Variants in RALY observed in about 807,000 individuals in gnomAD.
RALY encodes RNA-binding protein Raly.
RALY carries 15 observed loss-of-function variants against 30.7 expected under a neutral mutation model. That is an observed-to-expected ratio of 0.49 (90% CI 0.33 to 0.75). The LOEUF is 0.75. Ranked by LOEUF, RALY falls within the 30% of genes least tolerant of loss-of-function variation. RALY has a pLI of 0.02. For missense variants in RALY, 339 were observed against 414.3 expected (o/e 0.82, Z 1.58); for synonymous variants, 177 against 170.8 (o/e 1.04, Z -0.28).
chr20:34,077,200 C>T lies in RALY; in HGVS notation c.831C>T (p.Asp277=), dbSNP rs199998572. 85 of 1,613,788 alleles carry T rather than the reference C, an allele frequency of 5.3e-5. No individual in the cohort carries two copies. In the East Asian group the frequency reaches 5.3e-4, roughly 10 times the overall value. Reference sequence around the variant, plus strand: ...CCCAGGGGGAAGCACGGACCCGAGACGACGGCGATGAGGAAGGGCTCCTGA... The same window carrying T: ...CCCAGGGGGAAGCACGGACCCGAGATGACGGCGATGAGGAAGGGCTCCTGA... ...GLPQGEARTR[D]DGDEEGLLTH... Residue 277 remains aspartate (D), a synonymous_variant, in exon 8 of 10, where the codon GAC becomes GAT. Transcript: ENST00000246194.
intron 2 of RALY, among the ~76,000 whole-genome samples, chr20:34,042,027 C>G (rs1462491523): frequency 6.6e-6 from 1 of 152,062 alleles, no homozygotes; most frequent in Non-Finnish European, 1.5e-5. Flanking sequence ...ATTGCTTGAG[C>G]GCGGGATTGC....
chr20:34,007,890 TATGGTGTGGTACTAG>T (rs2031234325), intron 1 of RALY, among the ~76,000 whole-genome samples: 4 of 151,680 alleles, frequency 2.6e-5, no homozygotes, highest in Admixed American at 2.6e-4. Context: ...CCTACCATGT[TATGGTGTGGTACTAG>T]ATGGTGTGGA....
At chr20:34,042,049 G>C (rs960998176) in intron 2 of RALY, among the ~76,000 whole-genome samples, 1 of 152,182 alleles carries the variant, frequency 6.6e-6, no homozygotes, top group Non-Finnish European at 1.5e-5. Flanking sequence ...ATCCCGGCGG[G>C]TGGAGGTTGC....
At chr20:34,013,132 A>G (rs2031473766) in intron 1 of RALY, among the ~76,000 whole-genome samples, 1 of 152,144 alleles carries the variant, frequency 6.6e-6, no homozygotes, top group Non-Finnish European at 1.5e-5. Context: ...TGTTCTGCGC[A>G]TATTCAAGGT....
intron 2 of RALY, among the ~76,000 whole-genome samples, chr20:34,038,697 G>A (rs555152197): frequency 4.6e-5 from 7 of 152,288 alleles, no homozygotes; most frequent in African/African-American, 1.7e-4. Flanking sequence ...CCACCATTGT[G>A]TGTATTCTTA....
At chr20:34,052,984 G>A (rs145828799) in intron 2 of RALY, among the ~76,000 whole-genome samples, 132 of 152,238 alleles carry the variant, frequency 8.7e-4, no homozygotes, top group Non-Finnish European at 6.3e-4. Context: ...ATTTAGTGGG[G>A]CTATCCTTGC....
At chr20:34,014,541 A>G (rs1245839042) in intron 1 of RALY, among the ~76,000 whole-genome samples, 1 of 152,212 alleles carries the variant, frequency 6.6e-6, no homozygotes, top group African/African-American at 2.4e-5. Context: ...ATGCATTTAA[A>G]TTTGGGATTT....
chr20:34,012,646 T>TA (rs1342634398), intron 1 of RALY, among the ~76,000 whole-genome samples: 1 of 152,184 alleles, frequency 6.6e-6, no homozygotes, highest in Non-Finnish European at 1.5e-5. Flanking sequence ...GGACTTGCAG[T>TA]AAAAAGTAGG....
At chr20:34,060,994 C>T (rs908698070) in intron 2 of RALY, among the ~76,000 whole-genome samples, 2 of 152,166 alleles carry the variant, frequency 1.3e-5, no homozygotes, top group African/African-American at 4.8e-5. Flanking sequence ...GGTGTCCATT[C>T]CTCTCAGCTC....
chr20:34,007,062 A>G (rs781371693), intron 1 of RALY, among the ~76,000 whole-genome samples: 8 of 152,184 alleles, frequency 5.3e-5, no homozygotes, highest in Non-Finnish European at 1.0e-4. Context: ...CTTAACCCTC[A>G]TGACAACCCT....
chr20:34,013,209 C>G (rs967014453), intron 1 of RALY, among the ~76,000 whole-genome samples: 6 of 151,582 alleles, frequency 4.0e-5, no homozygotes, highest in African/African-American at 1.5e-4. Context: ...GCCTGGGCAA[C>G]ATAGACTTCA....
At position 34,070,154 on chromosome 20, in the gene RALY, T is replaced by C. The variant is rs2300210; in HGVS notation, c.-9-1912T>C. On this transcript the variant is annotated intron_variant, in intron 2 of 9. Transcript: ENST00000246194. ...ACTGAAAAGAAGTCCCCCCAAAATA[T>C]TAGGTAAATAGGTTGGCAGACTGAT... Among the ~76,000 whole-genome samples the C allele has an allele frequency of 1.2e-4, 18 of 152,270 alleles. No homozygotes were observed. The East Asian group carries it at 3.1e-3, about 26-fold the overall frequency.
intron 6 of RALY, 47 bp from the exon 7 acceptor site, chr20:34,076,655 A>G: frequency 2.0e-6 from 3 of 1,522,840 alleles, no homozygotes; most frequent in Non-Finnish European, 2.7e-6. Context: ...GCTAGTGTCA[A>G]GCCTCCAGCC....
At chr20:34,042,136 A>G (rs2032723842) in intron 2 of RALY, among the ~76,000 whole-genome samples, 1 of 152,062 alleles carries the variant, frequency 6.6e-6, no homozygotes, top group South Asian at 2.1e-4. Flanking sequence ...AAACATAAAC[A>G]AAAACAACCA....
chr20:34,006,322 TCA>T (rs2031155317), intron 1 of RALY, among the ~76,000 whole-genome samples: 1 of 152,362 alleles, frequency 6.6e-6, no homozygotes, highest in South Asian at 2.1e-4. Context: ...CTTAAATATT[TCA>T]CAGTGTGTCT....
At chr20:34,011,510 A>G (rs112712641) in intron 1 of RALY, among the ~76,000 whole-genome samples, 3 of 152,290 alleles carry the variant, frequency 2.0e-5, no homozygotes, top group South Asian at 4.1e-4. Flanking sequence ...TAGACTTTGG[A>G]TGGGGCCAAG....
intron 1 of RALY, among the ~76,000 whole-genome samples, chr20:33,997,110 A>C (rs2030672262): frequency 6.6e-6 from 1 of 152,016 alleles, no homozygotes; most frequent in Non-Finnish European, 1.5e-5. Flanking sequence ...TCTGCAGAAG[A>C]GACCTTATAC....
rs768679161 is a variant in RALY at position 34,077,207 on chromosome 20, G to A, written c.838G>A (p.Asp280Asn). The A allele has an allele frequency of 8.1e-6, 13 of 1,613,750 alleles. No individual in the cohort carries two copies. The highest frequency in any genetic ancestry group is 1.7e-5 in the Admixed American group (1 of 59,996). The change falls in exon 8 of 10, where the codon GAT becomes AAT. Residue 280 changes from aspartate to asparagine, a missense_variant. Transcript: ENST00000246194. ...GGAAGCACGGACCCGAGACGACGGC[G>A]ATGAGGAAGGGCTCCTGACACACAG... ...QGEARTRDDGDEEGLLTHSEE... is the reference protein window; with the variant it reads ...QGEARTRDDGNEEGLLTHSEE...
At chr20:34,020,735 G>A (rs970970420) in intron 1 of RALY, among the ~76,000 whole-genome samples, 1 of 152,160 alleles carries the variant, frequency 6.6e-6, no homozygotes, top group Non-Finnish European at 1.5e-5. Context: ...AGCCCACAAA[G>A]CCTAATTACT....
Sources: allele counts gnomAD v4.1 joint callset (sites outside exome capture counted in the v4.1 genomes callset), GRCh38; gene constraint gnomAD v4.1.1; transcripts MANE v1.5; gene names NCBI Gene and HGNC (gene_info 2026-07-23, HGNC 2026-07-21).